CTNND2: variants seen among roughly 807,000 people sequenced by gnomAD.
The protein encoded by CTNND2 is catenin delta 2, also known as catenin delta-2.
In CTNND2, 22 loss-of-function variants were observed where a neutral mutation model predicts 144.4. That is an observed-to-expected ratio of 0.15 (90% CI 0.11 to 0.22). The LOEUF (loss-of-function observed/expected upper bound fraction) is 0.22, where lower values mean the gene tolerates loss of function less well. CTNND2 is among the 10% of genes least tolerant of loss of function. The pLI is 1.00. For synonymous variants in CTNND2, 751 were observed against 695.6 expected (o/e 1.08, Z -1.25); for missense variants, 1,353 against 1,618.8 (o/e 0.84, Z 2.82).
intron 11 of CTNND2, among the ~76,000 whole-genome samples, chr5:11,191,209 A>T (rs1428922118): frequency 6.6e-6 from 1 of 152,196 alleles, no homozygotes; most frequent in Admixed American, 6.5e-5. Context: ...TCAATTCAGG[A>T]GTCTGTTGAG....
At chr5:11,731,190 T>C (rs1787367820) in intron 2 of CTNND2, among the ~76,000 whole-genome samples, 1 of 152,328 alleles carries the variant, frequency 6.6e-6, no homozygotes, top group Middle Eastern at 3.4e-3. Flanking sequence ...TTTTGACTGA[T>C]AGCATCATTG....
intron 18 of CTNND2, among the ~76,000 whole-genome samples, chr5:11,007,471 C>T (rs1740607047): frequency 6.6e-6 from 1 of 152,202 alleles, no homozygotes. Flanking sequence ...GTCACGGGCA[C>T]GTGGTTATGA....
intron 3 of CTNND2, among the ~76,000 whole-genome samples, chr5:11,538,646 C>T (rs1314856333): frequency 6.6e-6 from 1 of 152,106 alleles, no homozygotes; most frequent in Admixed American, 6.6e-5. Flanking sequence ...TATATTCCAT[C>T]ATTACTCAAA....
chr5:11,138,172 C>T (rs1756347044), intron 12 of CTNND2, among the ~76,000 whole-genome samples: 1 of 152,204 alleles, frequency 6.6e-6, no homozygotes, highest in Admixed American at 6.5e-5. Flanking sequence ...GGCCTCCTTT[C>T]TCCATCCTCA....
At chr5:11,806,351 C>T (rs1363863174) in intron 1 of CTNND2, among the ~76,000 whole-genome samples, 2 of 152,098 alleles carry the variant, frequency 1.3e-5, no homozygotes, top group African/African-American at 2.4e-5. Context: ...TTTTAAAATG[C>T]ATTATATATC....
chr5:11,086,893 A>C (rs1308307363), intron 15 of CTNND2, among the ~76,000 whole-genome samples: 8 of 152,218 alleles, frequency 5.3e-5, no homozygotes, highest in Non-Finnish European at 7.3e-5. Flanking sequence ...GCTTTTCCTC[A>C]TTGAAATCCT....
intron 3 of CTNND2, among the ~76,000 whole-genome samples, chr5:11,494,634 T>C (rs1769765355): frequency 6.6e-6 from 1 of 152,174 alleles, no homozygotes; most frequent in African/African-American, 2.4e-5. Flanking sequence ...TAATAAGCAA[T>C]TCCATTATGT....
At chr5:11,118,032 C>G (rs6554619) in intron 12 of CTNND2, among the ~76,000 whole-genome samples, 1 of 152,152 alleles carries the variant, frequency 6.6e-6, no homozygotes, top group African/African-American at 2.4e-5. Flanking sequence ...ACTTCTAGGA[C>G]TTCATTCTAA....
At chr5:11,042,397 A>G (rs1397337531) in intron 16 of CTNND2, among the ~76,000 whole-genome samples, 1 of 152,260 alleles carries the variant, frequency 6.6e-6, no homozygotes, top group African/African-American at 2.4e-5. Flanking sequence ...TTATACACGC[A>G]CACCTTGTTC....
chr5:11,714,840 C>A (rs1341100621), intron 2 of CTNND2, among the ~76,000 whole-genome samples: 1 of 149,104 alleles, frequency 6.7e-6, no homozygotes, highest in African/African-American at 2.5e-5. Flanking sequence ...ACCCGGGAGG[C>A]GAACAGAGCT....
At chr5:11,706,860 C>T (rs1015602528) in intron 2 of CTNND2, among the ~76,000 whole-genome samples, 6 of 151,722 alleles carry the variant, frequency 4.0e-5, no homozygotes, top group African/African-American at 7.3e-5. Flanking sequence ...CTGAGGCGGG[C>T]GGATCACGAG....
intron 9 of CTNND2, among the ~76,000 whole-genome samples, chr5:11,304,032 T>C (rs1301110672): frequency 1.3e-5 from 2 of 152,130 alleles, no homozygotes; most frequent in Admixed American, 1.3e-4. Flanking sequence ...AAGAGGTGGC[T>C]TTCACCTTCC....
intron 2 of CTNND2, among the ~76,000 whole-genome samples, chr5:11,729,751 A>T (rs1483845511): frequency 6.6e-6 from 1 of 152,224 alleles, no homozygotes; most frequent in Non-Finnish European, 1.5e-5. Flanking sequence ...ATGCATAGAA[A>T]CAAATCATTT....
chr5:11,564,592 G>C (rs912804589), intron 3 of CTNND2, among the ~76,000 whole-genome samples: 4 of 151,290 alleles, frequency 2.6e-5, no homozygotes, highest in African/African-American at 9.7e-5. Flanking sequence ...TTTATTTCAG[G>C]AACCTGGAGC....
rs145983935 is a variant in CTNND2, at chr5:11,787,511, G to A, written c.38-55239C>T. 1.6e-3 allele frequency among the ~76,000 whole-genome samples: 247 copies of A among 152,270 alleles called. 1 individual carries two copies. Among genetic ancestry groups the A allele is most frequent in the African/African-American group, 5.5e-3 (228 of 41,556 alleles). On this transcript the variant is annotated intron_variant, in intron 1 of 21. Coordinates refer to ENST00000304623, the MANE Select transcript of CTNND2 (RefSeq NM_001332.4). ...AGTTATGACTAATCTGCCTGCAATT[G>A]ATGTACTTATTATGTAAAGCATTTG...
At chr5:11,140,810 T>A (rs564420191) in intron 12 of CTNND2, among the ~76,000 whole-genome samples, 23 of 152,320 alleles carry the variant, frequency 1.5e-4, no homozygotes, top group African/African-American at 5.1e-4. Flanking sequence ...GTTGTTATAT[T>A]CTAGATTTAT....
At chr5:11,164,127 C>T (rs1759060026) in intron 11 of CTNND2, among the ~76,000 whole-genome samples, 1 of 152,100 alleles carries the variant, frequency 6.6e-6, no homozygotes, top group Non-Finnish European at 1.5e-5. Context: ...ATATCTCCTT[C>T]CTGGACTCTG....
chr5:11,241,450 C>T (rs1742441434), intron 9 of CTNND2, among the ~76,000 whole-genome samples: 1 of 152,196 alleles, frequency 6.6e-6, no homozygotes, highest in Non-Finnish European at 1.5e-5. Flanking sequence ...AAACCAGCTT[C>T]CCAGAAATTG....
At chr5:11,269,240 A>C (rs1440664368) in intron 9 of CTNND2, among the ~76,000 whole-genome samples, 1 of 152,240 alleles carries the variant, frequency 6.6e-6, no homozygotes, top group Non-Finnish European at 1.5e-5. Context: ...CGCTTTGAAC[A>C]GCGCTTACCC....
Sources: allele counts gnomAD v4.1 joint callset (sites outside exome capture counted in the v4.1 genomes callset), GRCh38; gene constraint gnomAD v4.1.1; transcripts MANE v1.5; gene names NCBI Gene and HGNC (gene_info 2026-07-23, HGNC 2026-07-21).